The following HCRTR2 variants were observed in gnomAD, a reference collection of about 807,000 sequenced individuals.
HCRTR2 encodes orexin receptor type 2.
Under a neutral mutation model 49.0 loss-of-function variants are expected in HCRTR2, and 22 were observed. The ratio of observed to expected loss-of-function variants is 0.45; its 90% confidence interval spans 0.32 to 0.64. HCRTR2 has a LOEUF of 0.64. HCRTR2 is among the 30% of genes least tolerant of loss of function. The pLI, the probability that HCRTR2 is intolerant of heterozygous loss-of-function variation, is 0.04. For synonymous variants in HCRTR2, 236 were observed against 205.3 expected, an observed-to-expected ratio of 1.15 and a Z score of -1.28; for missense variants, 491 against 559.4, an observed-to-expected ratio of 0.88 and a Z score of 1.23.
chr6:55,216,776 T>TTTTC (rs749493254), intron 1 of HCRTR2, among the ~76,000 whole-genome samples: 78 of 152,298 alleles, frequency 5.1e-4, no homozygotes, highest in Non-Finnish European at 9.3e-4. Context: ...CTGGTGTTTC[T>TTTTC]ATAATTCTAG....
intron 1 of HCRTR2, among the ~76,000 whole-genome samples, chr6:55,121,163 G>A (rs1178481742): frequency 6.6e-6 from 1 of 152,082 alleles, no homozygotes. Flanking sequence ...AGCGTGGTTT[G>A]TAGTTCTCCT....
chr6:55,198,539 G>T (rs941813144), intron 1 of HCRTR2, among the ~76,000 whole-genome samples: 1 of 151,902 alleles, frequency 6.6e-6, no homozygotes, highest in Non-Finnish European at 1.5e-5. Flanking sequence ...TCACGACTTG[G>T]GCATACTAGC....
Position 55,109,227 on chromosome 6 carries a change from A to G in HCRTR2, c.-378+2682A>G, listed in dbSNP as rs1228256018. On this transcript the variant is annotated intron_variant, in intron 1 of 7. Coordinates refer to the HCRTR2 transcript ENST00000615358. ...ACATCAAATAAACACATATTGGACA[A>G]AAGAACTGAGATCTTTTCTCTGTCA... 2.0e-5 allele frequency among the ~76,000 whole-genome samples: 3 copies of G among 152,128 alleles called. No homozygotes were observed. The East Asian group carries it at 5.8e-4, about 29-fold the overall frequency.
chr6:55,229,727 C>A (rs1329919224), intron 1 of HCRTR2, among the ~76,000 whole-genome samples: 1 of 152,112 alleles, frequency 6.6e-6, no homozygotes, highest in Non-Finnish European at 1.5e-5. Context: ...TTGCCAGGGG[C>A]TGGGAGGAGG....
At chr6:55,237,309 G>A (rs765096569) in intron 1 of HCRTR2, among the ~76,000 whole-genome samples, 23 of 152,092 alleles carry the variant, frequency 1.5e-4, no homozygotes, top group Non-Finnish European at 2.8e-4. Flanking sequence ...GCTTTGGCCA[G>A]CAGCTAGTGT....
chr6:55,248,767 G>C lies in HCRTR2; in HGVS notation c.352G>C (p.Glu118Gln). 6.2e-7 allele frequency: 1 copy of C among 1,613,544 alleles called. No homozygotes were observed. Among genetic ancestry groups the C allele is most frequent in the Non-Finnish European group, 8.5e-7 (1 of 1,179,570 alleles). ...LPATLVVDIT[E>Q]TWFFGQSLCK... ...AGCCACACTGGTCGTGGATATCACT[G>C]AGACCTGGTTTTTTGGACAGTCCCT... Residue 118 changes from glutamate to glutamine, a missense_variant, in exon 2 of 7, where the codon GAG (glutamate) becomes CAG (glutamine). Glu to Gln is a conservative substitution (Grantham distance 29). Coordinates refer to ENST00000370862, the MANE Select transcript of HCRTR2 (RefSeq NM_001384272.1).
At chr6:55,252,823 T>C (rs546683042) in intron 2 of HCRTR2, among the ~76,000 whole-genome samples, 1 of 152,194 alleles carries the variant, frequency 6.6e-6, no homozygotes, top group African/African-American at 2.4e-5. Flanking sequence ...CCAATTAAAA[T>C]ATAGAACTTC....
chr6:55,206,336 C>G (rs376955762), intron 1 of HCRTR2, among the ~76,000 whole-genome samples: 3 of 152,014 alleles, frequency 2.0e-5, no homozygotes, highest in East Asian at 3.9e-4. Context: ...AATTGCAAGA[C>G]AATTAAAAAC....
At chr6:55,126,096 A>G (rs929025716) in intron 1 of HCRTR2, among the ~76,000 whole-genome samples, 2 of 152,094 alleles carry the variant, frequency 1.3e-5, no homozygotes, top group African/African-American at 4.8e-5. Flanking sequence ...GTTATTACCC[A>G]TCTTCTGAAG....
intron 1 of HCRTR2, among the ~76,000 whole-genome samples, chr6:55,232,441 C>T (rs190539841): frequency 2.3e-4 from 35 of 152,134 alleles, no homozygotes; most frequent in African/African-American, 3.6e-4. Context: ...TGAATAGAGT[C>T]GAAATTATGA....
Position 55,157,139 on chromosome 6 carries a change from C to T in HCRTR2, c.-377-17072C>T, listed in dbSNP as rs531078565. ...AGAACTCCTAGAGATTACATACACA[C>T]TCACAACTACCAGAGTTAATAAATG... On this transcript the variant is annotated intron_variant, in intron 1 of 7. Coordinates refer to the HCRTR2 transcript ENST00000615358. Among the ~76,000 whole-genome samples, 184 of 152,228 alleles carry T rather than the reference C, an allele frequency of 1.2e-3. 1 individual carries two copies. Among genetic ancestry groups the T allele is most frequent in the African/African-American group, 4.2e-3 (173 of 41,540 alleles).
chr6:55,154,520 A>G lies in HCRTR2; in HGVS notation c.-377-19691A>G, dbSNP rs925822984. Among the ~76,000 whole-genome samples, 9 of 151,818 alleles carry G rather than the reference A, an allele frequency of 5.9e-5. No individual in the cohort carries two copies. The South Asian group carries it at 1.0e-3, about 17-fold the overall frequency. ...TTTAACAAAATGAAGGATAAAAATC[A>G]TATGATCATCTGAATAGATGCAGAA... On this transcript the variant is annotated intron_variant, in intron 1 of 7. Coordinates refer to the HCRTR2 transcript ENST00000615358.
chr6:55,124,046 G>A lies in HCRTR2; in HGVS notation c.-378+17501G>A, dbSNP rs556457167. On this transcript the variant is annotated intron_variant, in intron 1 of 7. Transcript: ENST00000615358. Reference sequence around the variant, plus strand: ...CTTTGTCTGTCTAGCAGTCTATTTTGTTAATCTTTTCAAAAACAGTTCCTG... The same window carrying A: ...CTTTGTCTGTCTAGCAGTCTATTTTATTAATCTTTTCAAAAACAGTTCCTG... 2.0e-5 allele frequency among the ~76,000 whole-genome samples: 3 copies of A among 151,912 alleles called. No individual in the cohort carries two copies. The South Asian group carries it at 6.2e-4, about 32-fold the overall frequency.
At chr6:55,203,176 T>C (rs1313742444) in intron 1 of HCRTR2, among the ~76,000 whole-genome samples, 3 of 152,168 alleles carry the variant, frequency 2.0e-5, no homozygotes, top group Non-Finnish European at 2.9e-5. Flanking sequence ...ATAAAGGAAA[T>C]ATGTATGAAT....
At chr6:55,144,307 G>T (rs988955820) in intron 1 of HCRTR2, among the ~76,000 whole-genome samples, 1 of 151,676 alleles carries the variant, frequency 6.6e-6, no homozygotes, top group Non-Finnish European at 1.5e-5. Flanking sequence ...GTAGGGACGG[G>T]GTTTCTCCAC....
At chr6:55,203,558 T>C (rs1355780611) in intron 1 of HCRTR2, among the ~76,000 whole-genome samples, 5 of 152,096 alleles carry the variant, frequency 3.3e-5, no homozygotes, top group African/African-American at 1.2e-4. Flanking sequence ...TTAAGTGCTA[T>C]GGAAAAAAGT....
At chr6:55,257,915 A>G (rs1766683381) in intron 3 of HCRTR2, among the ~76,000 whole-genome samples, 1 of 152,012 alleles carries the variant, frequency 6.6e-6, no homozygotes, top group African/African-American at 2.4e-5. Context: ...ACAGTCATTT[A>G]AATATTAAAT....
In HCRTR2 at chr6:55,189,684, G is replaced by C. The variant is rs898155087; in HGVS notation, c.223+14874G>C. Among the ~76,000 whole-genome samples, 5 of 152,268 alleles carry C rather than the reference G, an allele frequency of 3.3e-5. No homozygotes were observed. The East Asian group carries it at 7.7e-4, about 24-fold the overall frequency. ...CCATCAGGATAAATAGCTAAAGCAT[G>C]TGGGACTTAATACCTAGGTGATGGG... On this transcript the variant is annotated intron_variant, in intron 1 of 6. Transcript: ENST00000370862.
chr6:55,190,822 C>T (rs1361939829), intron 1 of HCRTR2, among the ~76,000 whole-genome samples: 1 of 152,088 alleles, frequency 6.6e-6, no homozygotes, highest in Admixed American at 6.6e-5. Flanking sequence ...GTATGCCTGA[C>T]TTATCAAGTC....
Sources: gnomAD v4.1 joint callset for allele counts (sites outside exome capture counted in the v4.1 genomes callset) on GRCh38, gnomAD v4.1.1 for gene constraint, MANE v1.5 for transcripts, NCBI Gene and HGNC (gene_info 2026-07-23, HGNC 2026-07-21) for gene names.